The following ALDH7A1 variants were observed in gnomAD, a reference collection of about 807,000 sequenced individuals.
ALDH7A1 encodes alpha-aminoadipic semialdehyde dehydrogenase.
A neutral mutation model predicts 79.9 loss-of-function variants in ALDH7A1; 63 were observed. That is an observed-to-expected ratio of 0.79 (90% CI 0.64 to 0.97). The LOEUF is 0.97. Among genes scored for constraint, ALDH7A1 ranks in the 50% least tolerant of loss-of-function variants. The probability of loss-of-function intolerance (pLI) is 0.00; values close to 1 mark genes in which losing one functional copy is unlikely to be tolerated. For missense variants in ALDH7A1, 627 were observed against 665.2 expected, an observed-to-expected ratio of 0.94 and a Z score of 0.63; for synonymous variants, 240 against 231.2, an observed-to-expected ratio of 1.04 and a Z score of -0.34.
In ALDH7A1 at chr5:126,595,168, G is replaced by A. The variant is rs778144937; in HGVS notation, c.31C>T (p.His11Tyr). The change falls in exon 1 of 18, where the codon CAC becomes TAC. Residue 11 changes from histidine (H) to tyrosine (Y), a missense_variant. His to Tyr is a moderately conservative substitution (Grantham distance 83). Transcript: ENST00000409134. The part of the protein sequence containing the change: MWRLPRALCV[H>Y]AAKTSKLSGP... Reference sequence around the variant, plus strand: ...GAGAGCTTGCTGGTCTTTGCAGCGTGCACACACAGCGCGCGAGGAAGGCGC... The same window carrying A: ...GAGAGCTTGCTGGTCTTTGCAGCGTACACACACAGCGCGCGAGGAAGGCGC... 14 of 1,554,072 alleles carry A rather than the reference G, an allele frequency of 9.0e-6. No individual in the cohort carries two copies. Among genetic ancestry groups the A allele is most frequent in the African/African-American group, 1.4e-5 (1 of 73,140 alleles).
intron 8 of ALDH7A1, chr5:126,568,818 C>A (rs1403702618): frequency 1.0e-5 from 2 of 190,718 alleles, no homozygotes; most frequent in African/African-American, 4.7e-5. Flanking sequence ...ACTTGGGAGG[C>A]TGAGGTAGGA....
At chr5:126,555,855 A>G (rs541094580) in intron 12 of ALDH7A1, 76 bp downstream of exon 12, 4 of 1,255,814 alleles carry the variant, frequency 3.2e-6, no homozygotes, top group East Asian at 4.8e-5. Flanking sequence ...AAGAAACTCC[A>G]AAACTCAGAT....
In ALDH7A1 at chr5:126,542,754, T is replaced by C. The variant is rs1035852733; in HGVS notation, c.*2211A>G. On this transcript the variant is annotated 3_prime_UTR_variant, in exon 18 of 18. Transcript: ENST00000409134. ...AGAAAGTAGGAAGCAGAGTACATAATAGCACTCAATTTCCTTTGAGAAAAC... is the reference window on the plus strand; with the variant it reads ...AGAAAGTAGGAAGCAGAGTACATAACAGCACTCAATTTCCTTTGAGAAAAC... 6.6e-6 allele frequency: 1 copy of C among 152,188 alleles called. No individual in the cohort carries two copies. The highest frequency in any genetic ancestry group is 1.5e-5 in the Non-Finnish European group (1 of 68,034). 9.4% of individuals were successfully genotyped at this position (152,188 alleles called of 1,614,324 possible). A position where few individuals can be genotyped will look rare whatever the true frequency, so the allele number is the denominator to read the frequency against.
chr5:126,555,841 G>A (rs1457710400), intron 12 of ALDH7A1, 90 bp downstream of exon 12: 8 of 1,083,892 alleles, frequency 7.4e-6, no homozygotes, highest in Non-Finnish European at 1.1e-5. Flanking sequence ...TCTCAGGAAA[G>A]GGAAAGAAAC....
chr5:126,560,662 C>G (rs1273787528), intron 10 of ALDH7A1, among the ~76,000 whole-genome samples: 2 of 151,902 alleles, frequency 1.3e-5, no homozygotes, highest in African/African-American at 2.4e-5. Context: ...ATGTTCCTTC[C>G]CAATATAAAA....
chr5:126,559,394 A>C (rs1750317164), intron 10 of ALDH7A1, 60 bp from the exon 11 acceptor site: 13 of 1,165,700 alleles, frequency 1.1e-5, no homozygotes, highest in Non-Finnish European at 1.7e-5. Flanking sequence ...GGTATTTGTT[A>C]GCTGGTATAA....
chr5:126,584,067 AAC>A (rs1441220480), intron 3 of ALDH7A1, 55 bp from the exon 4 acceptor site: 1 of 1,401,114 alleles, frequency 7.1e-7, no homozygotes, highest in East Asian at 2.3e-5. Flanking sequence ...TCATGTTTAT[AAC>A]ACAGTATTGG....
At chr5:126,550,901 A>G (rs759074248) in intron 14 of ALDH7A1, among the ~76,000 whole-genome samples, 10 of 152,236 alleles carry the variant, frequency 6.6e-5, no homozygotes, top group Non-Finnish European at 1.2e-4. Flanking sequence ...CAATCTCTGC[A>G]GTCTCAAAAT....
At chr5:126,591,760 G>C (rs1458342136) in intron 3 of ALDH7A1, among the ~76,000 whole-genome samples, 2 of 151,950 alleles carry the variant, frequency 1.3e-5, no homozygotes, top group African/African-American at 2.4e-5. Flanking sequence ...CTCCCACCTA[G>C]TGACAAGTCA....
Position 126,581,992 on chromosome 5 carries a change from G to A in ALDH7A1, c.517+859C>T, listed in dbSNP as rs532965518. On this transcript the variant is annotated intron_variant, in intron 5 of 17. Coordinates refer to ENST00000409134, the MANE Select transcript of ALDH7A1 (RefSeq NM_001182.5). ...GACTCCATCTCAAAAAAAAAAAAAT[G>A]TATAGTTTGCTACATATTTGGCTGT... 377 of 382,010 alleles carry A rather than the reference G, an allele frequency of 9.9e-4. 2 individuals are homozygous for A. Among genetic ancestry groups the A allele is most frequent in the African/African-American group, 7.3e-3 (344 of 47,326 alleles). The allele number at this position is 382,010 out of a possible 1,614,324, so 23.7% of individuals were successfully genotyped here.
intron 5 of ALDH7A1, among the ~76,000 whole-genome samples, chr5:126,580,653 G>GA (rs1389629161): frequency 6.6e-6 from 1 of 151,946 alleles, no homozygotes; most frequent in Non-Finnish European, 1.5e-5. Flanking sequence ...TGGAAATTTA[G>GA]AAAATGCAGA....
At chr5:126,554,178 A>C (rs1157069463) in intron 13 of ALDH7A1, 109 bp downstream of exon 13, 2 of 808,602 alleles carry the variant, frequency 2.5e-6, no homozygotes, top group Non-Finnish European at 4.4e-6. Flanking sequence ...AGACAGGAGA[A>C]GAAGGATGTC....
intron 3 of ALDH7A1, 46 bp downstream of exon 3, chr5:126,592,618 G>C (rs745655139): frequency 6.3e-7 from 1 of 1,582,968 alleles, no homozygotes; most frequent in Non-Finnish European, 8.7e-7. Context: ...GGTTACAATA[G>C]GCAAAGTGAT....
At chr5:126,582,749 T>C in intron 5 of ALDH7A1, 102 bp downstream of exon 5, 1 of 1,379,762 alleles carries the variant, frequency 7.2e-7, no homozygotes, top group South Asian at 1.2e-5. Flanking sequence ...TTATGCCACT[T>C]GAAATTTCTC....
chr5:126,575,488 A>C, intron 6 of ALDH7A1, 24 bp from the exon 7 acceptor site: 2 of 1,599,424 alleles, frequency 1.3e-6, no homozygotes, highest in Non-Finnish European at 1.7e-6. Flanking sequence ...AAACAAAAAA[A>C]GAAAAAGAAA....
At chr5:126,546,632 T>C (rs925157761) in intron 16 of ALDH7A1, among the ~76,000 whole-genome samples, 1 of 140,220 alleles carries the variant, frequency 7.1e-6, no homozygotes, top group African/African-American at 2.8e-5. Context: ...TAAGAAGAAA[T>C]GGAAACAGAA....
intron 11 of ALDH7A1, among the ~76,000 whole-genome samples, chr5:126,557,055 G>A (rs1250837148): frequency 4.6e-5 from 7 of 152,106 alleles, no homozygotes. Context: ...GCTGAATAGA[G>A]AAATATTTGG....
At chr5:126,585,042 T>C (rs1347649580) in intron 3 of ALDH7A1, among the ~76,000 whole-genome samples, 1 of 152,176 alleles carries the variant, frequency 6.6e-6, no homozygotes, top group African/African-American at 2.4e-5. Flanking sequence ...CTCACGTCTA[T>C]AATCCCAGCA....
chr5:126,552,979 C>G (rs747280779), intron 13 of ALDH7A1, among the ~76,000 whole-genome samples: 2 of 151,968 alleles, frequency 1.3e-5, no homozygotes, highest in African/African-American at 2.4e-5. Flanking sequence ...TGGCCTCAAG[C>G]AATCCTCCCA....
Sources: gnomAD v4.1 joint callset for allele counts (sites outside exome capture counted in the v4.1 genomes callset) on GRCh38, gnomAD v4.1.1 for gene constraint, MANE v1.5 for transcripts, NCBI Gene and HGNC (gene_info 2026-07-23, HGNC 2026-07-21) for gene names.